Variants in OPCML observed in about 807,000 individuals in gnomAD.
The protein encoded by OPCML is opioid binding protein/cell adhesion molecule like.
OPCML carries 13 observed loss-of-function variants against 37.8 expected under a neutral mutation model. The ratio of observed to expected loss-of-function variants is 0.34; its 90% CI spans 0.22 to 0.55. The LOEUF (loss-of-function observed/expected upper bound fraction) is 0.55. Among genes scored for constraint, OPCML ranks in the 20% least tolerant of loss-of-function variants. OPCML has a pLI of 0.91. For missense variants in OPCML, 341 were observed against 435.6 expected (o/e 0.78, Z 1.93); for synonymous variants, 176 against 168.8 (o/e 1.04, Z -0.33).
intron 2 of OPCML, among the ~76,000 whole-genome samples, chr11:132,720,314 TC>T (rs1944633920): frequency 6.6e-6 from 1 of 152,184 alleles, no homozygotes; most frequent in Admixed American, 6.5e-5. Context: ...CAGCCCTCTC[TC>T]CCAAGTCGTT....
chr11:132,625,542 A>G (rs1357918685), intron 3 of OPCML, among the ~76,000 whole-genome samples: 1 of 152,182 alleles, frequency 6.6e-6, no homozygotes, highest in African/African-American at 2.4e-5. Flanking sequence ...CAGAATGCAG[A>G]TTAGAGGGCA....
intron 1 of OPCML, among the ~76,000 whole-genome samples, chr11:133,390,094 T>G (rs1189684436): frequency 6.6e-6 from 1 of 152,242 alleles, no homozygotes; most frequent in African/African-American, 2.4e-5. Context: ...TTTCTAATAC[T>G]TCTCCCAGAT....
intron 2 of OPCML, among the ~76,000 whole-genome samples, chr11:132,779,839 T>C (rs1486456264): frequency 6.6e-6 from 1 of 152,210 alleles, no homozygotes; most frequent in African/African-American, 2.4e-5. Flanking sequence ...TGTTTAATGG[T>C]CTGATTAATT....
intron 4 of OPCML, among the ~76,000 whole-genome samples, chr11:132,442,000 G>A (rs1378417672): frequency 6.6e-6 from 1 of 152,186 alleles, no homozygotes; most frequent in Non-Finnish European, 1.5e-5. Flanking sequence ...ACAACTCAGG[G>A]GAGAAGGACC....
chr11:133,289,528 G>GAGCTTGC (rs1453805216), intron 1 of OPCML, among the ~76,000 whole-genome samples: 2 of 147,242 alleles, frequency 1.4e-5, no homozygotes, highest in Non-Finnish European at 3.0e-5. Context: ...CCGGGAGGCG[G>GAGCTTGC]AGCTTGCAGT....
intron 4 of OPCML, among the ~76,000 whole-genome samples, chr11:132,513,317 A>G (rs528254686): frequency 6.6e-6 from 1 of 152,238 alleles, no homozygotes; most frequent in East Asian, 1.9e-4. Flanking sequence ...GTGAAATAGA[A>G]AGACTGGCAA....
chr11:133,365,374 A>T (rs1944516321), intron 1 of OPCML: 1 of 152,672 alleles, frequency 6.5e-6, no homozygotes, highest in Admixed American at 6.5e-5. Flanking sequence ...TGTCTGACGA[A>T]GGACTGTTTC....
At chr11:132,703,225 C>G (rs1565789052) in intron 2 of OPCML, among the ~76,000 whole-genome samples, 1 of 152,016 alleles carries the variant, frequency 6.6e-6, no homozygotes, top group Non-Finnish European at 1.5e-5. Context: ...GTCTATTGCT[C>G]CTAGGCTATA....
At chr11:132,882,586 C>T (rs369610541) in intron 2 of OPCML, among the ~76,000 whole-genome samples, 2 of 152,058 alleles carry the variant, frequency 1.3e-5, no homozygotes, top group Middle Eastern at 3.2e-3. Context: ...TCTCACGGGA[C>T]GTATATTTAT....
chr11:132,857,272 T>C (rs762663889), intron 2 of OPCML, among the ~76,000 whole-genome samples: 3 of 152,252 alleles, frequency 2.0e-5, no homozygotes, highest in Non-Finnish European at 2.9e-5. Context: ...GCCATTTGTA[T>C]ATCTTCCATG....
chr11:132,509,630 C>T (rs2096264583), intron 4 of OPCML, among the ~76,000 whole-genome samples: 1 of 152,202 alleles, frequency 6.6e-6, no homozygotes, highest in Admixed American at 6.5e-5. Context: ...CAGGCTGTGG[C>T]TTCAGAGGGT....
chr11:132,914,901 G>A (rs1944555512), intron 2 of OPCML, among the ~76,000 whole-genome samples: 1 of 152,202 alleles, frequency 6.6e-6, no homozygotes, highest in Non-Finnish European at 1.5e-5. Flanking sequence ...AGCTCCTGAT[G>A]CTGCTCCCTG....
intron 1 of OPCML, among the ~76,000 whole-genome samples, chr11:133,278,093 C>T (rs907122213): frequency 1.8e-4 from 27 of 152,160 alleles, no homozygotes; most frequent in South Asian, 8.3e-4. Flanking sequence ...TCTGGATATC[C>T]GTTGTCCCAC....
chr11:132,869,551 C>A (rs1942714140), intron 2 of OPCML, among the ~76,000 whole-genome samples: 1 of 151,732 alleles, frequency 6.6e-6, no homozygotes, highest in Non-Finnish European at 1.5e-5. Flanking sequence ...AATAATGAAC[C>A]TTTTTTCCTT....
chr11:132,794,695 A>G (rs537087127), intron 2 of OPCML, among the ~76,000 whole-genome samples: 1 of 152,278 alleles, frequency 6.6e-6, no homozygotes, highest in Non-Finnish European at 1.5e-5. Flanking sequence ...CCTCCTACAC[A>G]TGAATATCAT....
At chr11:133,490,074 C>A (rs1485346463) in intron 1 of OPCML, among the ~76,000 whole-genome samples, 1 of 152,116 alleles carries the variant, frequency 6.6e-6, no homozygotes, top group Non-Finnish European at 1.5e-5. Flanking sequence ...TTAAAATCAG[C>A]TATGGCTAAG....
chr11:133,191,922 C>G (rs1938338850), intron 1 of OPCML, among the ~76,000 whole-genome samples: 1 of 152,174 alleles, frequency 6.6e-6, no homozygotes, highest in Non-Finnish European at 1.5e-5. Context: ...GGTGAATGGT[C>G]TGCTTGTCTC....
chr11:132,935,141 GA>G (rs574227413), intron 2 of OPCML, among the ~76,000 whole-genome samples: 1,893 of 90,114 alleles, frequency 0.021, 41 homozygotes, highest in Admixed American at 0.095. Flanking sequence ...TTCCATCTCA[GA>G]AAAAAAAAAA....
chr11:133,484,030 TTAGATAGATAGATAGATAGA>T (rs71038531), intron 1 of OPCML, among the ~76,000 whole-genome samples: 104 of 134,906 alleles, frequency 7.7e-4, no homozygotes, highest in East Asian at 1.3e-3. Context: ...GATGGACAGA[TTAGATAGATAGATAGATAGA>T]TAGATAGATA....
Sources: gnomAD v4.1 joint callset for allele counts (sites outside exome capture counted in the v4.1 genomes callset) on GRCh38, gnomAD v4.1.1 for gene constraint, MANE v1.5 for transcripts, NCBI Gene and HGNC (gene_info 2026-07-23, HGNC 2026-07-21) for gene names.